Variants in TMCC3 observed in about 807,000 individuals in gnomAD.
The protein encoded by TMCC3 is transmembrane and coiled-coil domain protein 3.
TMCC3 carries 28 observed loss-of-function variants against 40.2 expected under a neutral mutation model. The ratio of observed to expected loss-of-function variants is 0.70; its 90% CI spans 0.52 to 0.95. The LOEUF (loss-of-function observed/expected upper bound fraction) is 0.95. Among genes scored for constraint, TMCC3 ranks in the 40% least tolerant of loss-of-function variants. The probability of loss-of-function intolerance (pLI) is 0.00; values close to 1 mark genes in which losing one functional copy is unlikely to be tolerated. For missense variants in TMCC3, 554 were observed against 615.2 expected, an observed-to-expected ratio of 0.90 and a Z score of 1.05; for synonymous variants, 255 against 248.5, an observed-to-expected ratio of 1.03 and a Z score of -0.25.
At chr12:94,604,471 C>A (rs2068770659) in intron 1 of TMCC3, among the ~76,000 whole-genome samples, 2 of 151,928 alleles carry the variant, frequency 1.3e-5, no homozygotes, top group African/African-American at 2.4e-5. Context: ...AAGCTCTGCC[C>A]TAAGAGGTCA....
rs1366118882 is a variant in TMCC3, at chr12:94,568,039, G to A, written c.*3396C>T. On this transcript the variant is annotated 3_prime_UTR_variant, in exon 4 of 4. Transcript: ENST00000261226. ...AAAACAAGAGTGACAGAGCTGGAAA[G>A]AGCGAAAACCACATGAATGCTAATT... is the stretch of plus-strand genomic sequence containing the variant. The A allele has an allele frequency of 6.6e-6, 1 of 152,168 alleles. No individual in the cohort carries two copies. Among genetic ancestry groups the A allele is most frequent in the African/African-American group, 2.4e-5 (1 of 41,432 alleles). The allele number at this position is 152,168 out of a possible 1,614,324, so 9.4% of individuals were successfully genotyped here. A position where few individuals can be genotyped will look rare whatever the true frequency, so the allele number is the denominator to read the frequency against.
At chr12:94,605,737 A>G (rs113730910) in intron 1 of TMCC3, among the ~76,000 whole-genome samples, 1 of 152,324 alleles carries the variant, frequency 6.6e-6, no homozygotes, top group Non-Finnish European at 1.5e-5. Flanking sequence ...CAAAGTTTTC[A>G]CCTACGATGA....
At chr12:94,630,916 A>G (rs574003360) in intron 1 of TMCC3, among the ~76,000 whole-genome samples, 3 of 152,112 alleles carry the variant, frequency 2.0e-5, no homozygotes, top group African/African-American at 4.8e-5. Flanking sequence ...TTTAGTAGAG[A>G]CAGGGTTTCA....
chr12:94,626,200 T>A (rs1409489731), intron 1 of TMCC3, among the ~76,000 whole-genome samples: 1 of 152,140 alleles, frequency 6.6e-6, no homozygotes, highest in Non-Finnish European at 1.5e-5. Flanking sequence ...ATGGGGGAAA[T>A]CGCCCCCATA....
chr12:94,592,361 C>A (rs575543716), intron 1 of TMCC3, among the ~76,000 whole-genome samples: 15 of 151,846 alleles, frequency 9.9e-5, no homozygotes, highest in Non-Finnish European at 2.1e-4. Context: ...TATTTCCGGC[C>A]GGGCGCAGTG....
Position 94,582,547 on chromosome 12 carries a change from G to T in TMCC3, c.79-9C>A. 6.3e-7 allele frequency: 1 copy of T among 1,575,024 alleles called. No individual in the cohort carries two copies. The highest frequency in any genetic ancestry group is 1.2e-5 in the South Asian group (1 of 84,952). On this transcript the variant is annotated splice_polypyrimidine_tract_variant and intron_variant, in intron 1 of 3. Coordinates refer to ENST00000261226, the MANE Select transcript of TMCC3 (RefSeq NM_020698.4). ...ATGTCATGACGTTCTACCTGAAAGAGACAGGAAAGAAGCACATTAAAATTT... is the reference window on the plus strand; with the variant it reads ...ATGTCATGACGTTCTACCTGAAAGATACAGGAAAGAAGCACATTAAAATTT...
At chr12:94,574,401 A>AAC (rs1415796145) in intron 3 of TMCC3, among the ~76,000 whole-genome samples, 1 of 151,842 alleles carries the variant, frequency 6.6e-6, no homozygotes, top group African/African-American at 2.4e-5. Flanking sequence ...ACAAAAAAAA[A>AAC]AAACAGAATG....
rs1594260493 is a variant in TMCC3 at position 94,570,437 on chromosome 12, C to T, written c.*998G>A. 6.6e-6 allele frequency: 1 copy of T among 152,252 alleles called. No homozygotes were observed. The highest frequency in any genetic ancestry group is 1.5e-5 in the Non-Finnish European group (1 of 68,036). 9.4% of individuals were successfully genotyped at this position (152,252 alleles called of 1,614,324 possible). A position where few individuals can be genotyped will look rare whatever the true frequency, so the allele number is the denominator to read the frequency against. On this transcript the variant is annotated 3_prime_UTR_variant, in exon 4 of 4. Coordinates refer to ENST00000261226, the MANE Select transcript of TMCC3 (RefSeq NM_020698.4). The stretch of plus-strand genomic sequence containing the variant: ...AATCACATAAAGTGAATCATATCCT[C>T]CAGGGGGGCTTATCACAATCAAGAT...
At chr12:94,631,299 T>C (rs1403027559) in intron 1 of TMCC3, among the ~76,000 whole-genome samples, 1 of 152,102 alleles carries the variant, frequency 6.6e-6, no homozygotes, top group Non-Finnish European at 1.5e-5. Context: ...TGTGTACTCT[T>C]AAAAATTCAT....
intron 1 of TMCC3, among the ~76,000 whole-genome samples, chr12:94,600,755 G>C (rs1052841246): frequency 4.6e-5 from 7 of 152,080 alleles, no homozygotes; most frequent in Non-Finnish European, 1.0e-4. Flanking sequence ...CTTTCCAAAG[G>C]ACTTCTTCTC....
At chr12:94,589,344 T>C (rs2068657902) in intron 1 of TMCC3, among the ~76,000 whole-genome samples, 1 of 152,188 alleles carries the variant, frequency 6.6e-6, no homozygotes, top group Non-Finnish European at 1.5e-5. Context: ...GAAAGGCTTA[T>C]TCCATGCAAA....
At chr12:94,584,211 C>A (rs1336017517) in intron 1 of TMCC3, among the ~76,000 whole-genome samples, 2 of 152,104 alleles carry the variant, frequency 1.3e-5, no homozygotes, top group Admixed American at 6.5e-5. Flanking sequence ...TTAGCAACAT[C>A]CCTCTGCTGC....
At chr12:94,598,041 AG>A (rs1422376773) in intron 1 of TMCC3, among the ~76,000 whole-genome samples, 1 of 152,204 alleles carries the variant, frequency 6.6e-6, no homozygotes, top group African/African-American at 2.4e-5. Context: ...GGATCATTCA[AG>A]TTTATCAGAA....
intron 3 of TMCC3, among the ~76,000 whole-genome samples, chr12:94,575,116 C>G (rs1216756019): frequency 2.0e-5 from 3 of 152,180 alleles, no homozygotes; most frequent in Non-Finnish European, 2.9e-5. Flanking sequence ...TAAAAAACCA[C>G]TCAGTTGTTT....
chr12:94,636,298 T>A (rs1303964270), intron 1 of TMCC3, among the ~76,000 whole-genome samples: 1 of 152,170 alleles, frequency 6.6e-6, no homozygotes, highest in Non-Finnish European at 1.5e-5. Context: ...TGTGGGCTTT[T>A]AAAAAATCTC....
intron 3 of TMCC3, among the ~76,000 whole-genome samples, chr12:94,574,319 C>A (rs1320353845): frequency 6.6e-6 from 1 of 150,786 alleles, no homozygotes; most frequent in Non-Finnish European, 1.5e-5. Context: ...ACCCAGGAGG[C>A]GGAGGTTGCA....
intron 1 of TMCC3, among the ~76,000 whole-genome samples, chr12:94,646,004 C>A (rs948619670): frequency 6.6e-5 from 10 of 152,114 alleles, no homozygotes; most frequent in African/African-American, 2.4e-4. Flanking sequence ...GAAGTAGGAA[C>A]TAAGGCTTAG....
intron 1 of TMCC3, among the ~76,000 whole-genome samples, chr12:94,638,538 C>T (rs942545698): frequency 1.3e-5 from 2 of 152,246 alleles, no homozygotes; most frequent in African/African-American, 4.8e-5. Flanking sequence ...TTTCTTCCAT[C>T]TTCCTTCCTG....
intron 1 of TMCC3, among the ~76,000 whole-genome samples, chr12:94,629,565 CT>C (rs2068921516): frequency 6.6e-6 from 1 of 152,204 alleles, no homozygotes; most frequent in African/African-American, 2.4e-5. Flanking sequence ...GTAAAGCAGC[CT>C]CCCCTTACAT....
Sources: allele counts gnomAD v4.1 joint callset (sites outside exome capture counted in the v4.1 genomes callset), GRCh38; gene constraint gnomAD v4.1.1; transcripts MANE v1.5; gene names NCBI Gene and HGNC (gene_info 2026-07-23, HGNC 2026-07-21).